Variants in PTPRD observed in about 807,000 individuals in gnomAD.
PTPRD encodes protein tyrosine phosphatase receptor type D.
A neutral mutation model predicts 214.5 loss-of-function variants in PTPRD; 34 were observed. The ratio of observed to expected loss-of-function variants is 0.16; its 90% confidence interval spans 0.12 to 0.21. PTPRD has a LOEUF of 0.21. PTPRD is among the 10% of genes least tolerant of loss of function. The pLI, the probability that PTPRD is intolerant of heterozygous loss-of-function variation, is 1.00. For synonymous variants in PTPRD, 1,128 were observed against 845.7 expected (o/e 1.33, Z -5.79); for missense variants, 2,545 against 2,398.7 (o/e 1.06, Z -1.27).
intron 5 of PTPRD, among the ~76,000 whole-genome samples, chr9:9,843,474 C>G (rs1443220056): frequency 6.6e-6 from 1 of 151,534 alleles, no homozygotes; most frequent in African/African-American, 2.4e-5. Flanking sequence ...CTTAGTTTAC[C>G]TATATAAGAA....
intron 11 of PTPRD, among the ~76,000 whole-genome samples, chr9:8,798,589 C>T (rs1309534699): frequency 1.3e-5 from 2 of 152,160 alleles, no homozygotes; most frequent in African/African-American, 4.8e-5. Context: ...TATACCATAT[C>T]GTCTAAAAGC....
intron 39 of PTPRD, among the ~76,000 whole-genome samples, chr9:8,352,685 C>G (rs144122262): frequency 1.5e-3 from 233 of 152,246 alleles, no homozygotes; most frequent in African/African-American, 5.4e-3. Flanking sequence ...AAGAGAGGAG[C>G]CACTGGAAGG....
chr9:9,404,747 T>G (rs760572166), intron 8 of PTPRD, among the ~76,000 whole-genome samples: 1 of 152,036 alleles, frequency 6.6e-6, no homozygotes, highest in Admixed American at 6.6e-5. Context: ...AGAACATGTA[T>G]GAAGTCAAGG....
rs562483059 is a variant in PTPRD at position 8,980,007 on chromosome 9, T to C, written c.-104+38690A>G. On this transcript the variant is annotated intron_variant, in intron 11 of 45. Transcript: ENST00000381196. ...ATGGATACAGAAAATGTGGTGTGTG[T>C]ACACACACACACACATACACACTGG... is the stretch of plus-strand genomic sequence containing the variant. Among the ~76,000 whole-genome samples the C allele has an allele frequency of 9.9e-5, 15 of 151,108 alleles. No individual in the cohort carries two copies. In the East Asian group the frequency reaches 2.9e-3, roughly 29 times the overall value.
intron 9 of PTPRD, among the ~76,000 whole-genome samples, chr9:9,332,576 G>GAA (rs35299000): frequency 1.4e-5 from 2 of 141,520 alleles, no homozygotes; most frequent in African/African-American, 5.1e-5. Flanking sequence ...ATAGAAGTAA[G>GAA]AAAAAAAAAA....
intron 10 of PTPRD, among the ~76,000 whole-genome samples, chr9:9,051,694 G>T (rs1380356813): frequency 6.6e-6 from 1 of 152,098 alleles, no homozygotes; most frequent in East Asian, 1.9e-4. Flanking sequence ...AAAAAAGAAG[G>T]TTTGATAGCT....
chr9:9,094,993 T>C (rs1324105065), intron 10 of PTPRD, among the ~76,000 whole-genome samples: 1 of 152,102 alleles, frequency 6.6e-6, no homozygotes, highest in Non-Finnish European at 1.5e-5. Flanking sequence ...CAAATGGAGA[T>C]TATCTCAAGA....
chr9:9,583,711 T>C (rs551799802), intron 7 of PTPRD, among the ~76,000 whole-genome samples: 203 of 152,184 alleles, frequency 1.3e-3, no homozygotes, highest in African/African-American at 4.5e-3. Context: ...ATAGCCTTTA[T>C]GTAAATTCAT....
intron 14 of PTPRD, among the ~76,000 whole-genome samples, chr9:8,545,804 T>C (rs2079940627): frequency 6.6e-6 from 1 of 152,250 alleles, no homozygotes; most frequent in African/African-American, 2.4e-5. Context: ...AATTTCATAA[T>C]AGTTTTTCAA....
rs145309400 is a variant in PTPRD, at chr9:9,464,651, C to G, written c.-236-67169G>C. On this transcript the variant is annotated intron_variant, in intron 8 of 45. Coordinates refer to ENST00000381196, the MANE Select transcript of PTPRD (RefSeq NM_002839.4). The stretch of plus-strand genomic sequence containing the variant: ...TCTGATCACCTTAACATTGGAGAGT[C>G]TATCAAATTCCATCTGTTAGTTGAT... Among the ~76,000 whole-genome samples, 663 of 152,230 alleles carry G rather than the reference C, an allele frequency of 4.4e-3. 1 individual carries two copies. Among genetic ancestry groups the G allele is most frequent in the African/African-American group, 0.014 (595 of 41,550 alleles).
chr9:9,623,950 T>G (rs972976157), intron 7 of PTPRD, among the ~76,000 whole-genome samples: 1 of 152,040 alleles, frequency 6.6e-6, no homozygotes, highest in South Asian at 2.1e-4. Flanking sequence ...AGTTCAAAAC[T>G]GAGGAAAAGA....
At chr9:9,360,007 G>C (rs2055410860) in intron 9 of PTPRD, among the ~76,000 whole-genome samples, 1 of 151,280 alleles carries the variant, frequency 6.6e-6, no homozygotes, top group Non-Finnish European at 1.5e-5. Flanking sequence ...GGATGCTTCA[G>C]TGATCTGGTT....
chr9:10,166,373 G>T (rs933774863), intron 3 of PTPRD, among the ~76,000 whole-genome samples: 2 of 146,956 alleles, frequency 1.4e-5, no homozygotes, highest in Admixed American at 6.9e-5. Flanking sequence ...TGCCAATGCT[G>T]ATTTTTTTTT....
intron 5 of PTPRD, among the ~76,000 whole-genome samples, chr9:9,834,265 G>A (rs1423458882): frequency 1.3e-5 from 2 of 151,844 alleles, no homozygotes; most frequent in Non-Finnish European, 2.9e-5. Flanking sequence ...TACTACTATT[G>A]GACTATGTAA....
intron 14 of PTPRD, among the ~76,000 whole-genome samples, chr9:8,586,326 T>A (rs1414622359): frequency 7.2e-5 from 11 of 152,234 alleles, no homozygotes; most frequent in African/African-American, 2.6e-4. Context: ...TATAATATCT[T>A]GTGTATTATA....
At chr9:9,901,284 C>T (rs1227870154) in intron 5 of PTPRD, among the ~76,000 whole-genome samples, 3 of 152,124 alleles carry the variant, frequency 2.0e-5, no homozygotes. Context: ...AAACAATTTT[C>T]AGAGTTCATT....
chr9:9,225,364 C>T (rs1436295652), intron 9 of PTPRD, among the ~76,000 whole-genome samples: 1 of 152,040 alleles, frequency 6.6e-6, no homozygotes, highest in Admixed American at 6.6e-5. Flanking sequence ...GCCTTAACAT[C>T]TTTATCGAAG....
chr9:9,839,806 G>A (rs894893346), intron 5 of PTPRD, among the ~76,000 whole-genome samples: 4 of 151,984 alleles, frequency 2.6e-5, no homozygotes. Context: ...CAAACTTGCT[G>A]CATTTTTTTA....
intron 8 of PTPRD, among the ~76,000 whole-genome samples, chr9:9,542,252 T>C (rs2077758308): frequency 1.3e-5 from 2 of 151,774 alleles, no homozygotes; most frequent in South Asian, 4.1e-4. Context: ...TGCCAATAAA[T>C]TGGGTAATTT....
Sources: gnomAD v4.1 joint callset for allele counts (sites outside exome capture counted in the v4.1 genomes callset) on GRCh38, gnomAD v4.1.1 for gene constraint, MANE v1.5 for transcripts, NCBI Gene and HGNC (gene_info 2026-07-23, HGNC 2026-07-21) for gene names.